COP1: variants seen among roughly 807,000 people sequenced by gnomAD.
COP1 encodes COP1 E3 ubiquitin ligase, also known as E3 ubiquitin-protein ligase COP1.
In COP1, 24 loss-of-function variants were observed where a neutral mutation model predicts 101.3. That is an observed-to-expected ratio of 0.24 (90% CI 0.17 to 0.33). The LOEUF is 0.33. Among genes scored for constraint, COP1 ranks in the 10% least tolerant of loss-of-function variants. COP1 has a pLI of 1.00. For missense variants in COP1, 663 were observed against 906.2 expected, an observed-to-expected ratio of 0.73 and a Z score of 3.45; for synonymous variants, 347 against 341.9, an observed-to-expected ratio of 1.01 and a Z score of -0.17.
chr1:175,984,774 G>T (rs968840859), intron 18 of COP1, among the ~76,000 whole-genome samples: 5 of 152,234 alleles, frequency 3.3e-5, no homozygotes, highest in African/African-American at 1.2e-4. Flanking sequence ...ACCTGGGTGT[G>T]AGACATGGAG....
intron 1 of COP1, among the ~76,000 whole-genome samples, chr1:176,203,808 A>G (rs530877955): frequency 3.0e-4 from 46 of 152,334 alleles, no homozygotes; most frequent in Middle Eastern, 3.4e-3. Flanking sequence ...ACTTTCAAAT[A>G]TAAGTCAGGA....
chr1:176,135,714 T>C (rs1253644837), intron 7 of COP1, among the ~76,000 whole-genome samples: 1 of 152,118 alleles, frequency 6.6e-6, no homozygotes, highest in Non-Finnish European at 1.5e-5. Flanking sequence ...CTTTTTTATG[T>C]ACTAACTTTG....
At chr1:176,097,850 C>G (rs1031427604) in intron 9 of COP1, among the ~76,000 whole-genome samples, 5 of 107,552 alleles carry the variant, frequency 4.6e-5, no homozygotes, top group Non-Finnish European at 6.9e-5. Context: ...GCCTGGGCAA[C>G]AGAGTGAAAC....
At chr1:176,108,150 A>G (rs943869242) in intron 9 of COP1, among the ~76,000 whole-genome samples, 2 of 152,122 alleles carry the variant, frequency 1.3e-5, no homozygotes, top group Non-Finnish European at 2.9e-5. Flanking sequence ...TAATTTTGCT[A>G]ATTGTACTAT....
Position 176,081,142 on chromosome 1 carries a change from C to T in COP1, c.1277+10G>A. ...TTACAAAAGAAAATAGTAATTTGAC[C>T]AATACTTACCTAGAGACTATACTGG... On this transcript the variant is annotated intron_variant, in intron 11 of 19. Transcript: ENST00000367669. 1.3e-6 allele frequency: 2 copies of T among 1,582,062 alleles called. No individual in the cohort carries two copies. Among genetic ancestry groups the T allele is most frequent in the Non-Finnish European group, 1.7e-6 (2 of 1,162,984 alleles).
At chr1:175,988,512 A>G in intron 16 of COP1, 100 bp from the exon 17 acceptor site, 1 of 1,155,438 alleles carries the variant, frequency 8.7e-7, no homozygotes, top group Non-Finnish European at 1.2e-6. Flanking sequence ...TTAAGAATGC[A>G]GGCTCTGGAG....
At chr1:176,160,272 T>C in intron 5 of COP1, 1 of 408,960 alleles carries the variant, frequency 2.4e-6, no homozygotes, top group Non-Finnish European at 4.8e-6. Context: ...TTTTTTTTTT[T>C]TTTTTTTTTT....
chr1:176,018,058 G>C (rs958228315), intron 15 of COP1, among the ~76,000 whole-genome samples: 1 of 152,192 alleles, frequency 6.6e-6, no homozygotes, highest in Non-Finnish European at 1.5e-5. Flanking sequence ...GGAGGAATTA[G>C]AAGATATCAC....
intron 15 of COP1, chr1:176,017,674 GCCA>G (rs964770766): frequency 2.0e-5 from 3 of 152,102 alleles, no homozygotes; most frequent in African/African-American, 4.8e-5. Context: ...ACAGGCATGC[GCCA>G]CCACACCTGG....
intron 11 of COP1, among the ~76,000 whole-genome samples, chr1:176,047,569 T>C (rs535038653): frequency 1.3e-5 from 2 of 152,340 alleles, no homozygotes; most frequent in Non-Finnish European, 2.9e-5. Context: ...TGAATGTATC[T>C]TCAATATCTA....
At chr1:176,150,305 T>C (rs756702599) in intron 5 of COP1, among the ~76,000 whole-genome samples, 1 of 152,160 alleles carries the variant, frequency 6.6e-6, no homozygotes, top group Non-Finnish European at 1.5e-5. Context: ...GAACTGATAA[T>C]CACAACAGGA....
Position 176,085,780 on chromosome 1 carries a change from G to T in COP1, c.1137C>A (p.Ile379=), listed in dbSNP as rs1680028529. 6.4e-7 allele frequency: 1 copy of T among 1,564,230 alleles called. No homozygotes were observed. Among genetic ancestry groups the T allele is most frequent in the South Asian group, 1.1e-5 (1 of 88,530 alleles). ...TGAGAAGGTCTAAATATATACCTGA[G>T]ATACGAGACATCCTTGTAGAAAAGT... ...QCYFSTRMSR[I]SDDSRTASQL... The change falls in exon 10 of 20, where the codon ATC becomes ATA. Residue 379 remains isoleucine, a synonymous_variant. Transcript: ENST00000367669.
In COP1 at chr1:175,990,389, A is replaced by T. The variant is rs141388534; in HGVS notation, c.1730-910T>A. On this transcript the variant is annotated intron_variant, in intron 15 of 19. Transcript: ENST00000367669. The stretch of plus-strand genomic sequence containing the variant: ...TCAAGCATTTTAAATTTATTGACTT[A>T]TTTTTAGTCTTAAATATGGTGTCCC... Among the ~76,000 whole-genome samples, 398 of 152,194 alleles carry T rather than the reference A, an allele frequency of 2.6e-3. 3 individuals are homozygous for T. Among genetic ancestry groups the T allele is most frequent in the African/African-American group, 9.1e-3 (380 of 41,550 alleles).
chr1:176,094,555 T>C (rs1681981633), intron 9 of COP1, among the ~76,000 whole-genome samples: 1 of 151,958 alleles, frequency 6.6e-6, no homozygotes, highest in Non-Finnish European at 1.5e-5. Context: ...TTATCAACTA[T>C]GTTAATTTTA....
intron 1 of COP1, among the ~76,000 whole-genome samples, chr1:176,188,357 A>G (rs1381902148): frequency 1.3e-5 from 2 of 152,184 alleles, no homozygotes; most frequent in African/African-American, 2.4e-5. Flanking sequence ...AGAAATGAAG[A>G]GGAGATCCTA....
At chr1:175,946,866 C>G (rs551164085) in intron 19 of COP1, among the ~76,000 whole-genome samples, 1 of 152,314 alleles carries the variant, frequency 6.6e-6, no homozygotes, top group African/African-American at 2.4e-5. Context: ...TGGGCTCTAT[C>G]TACTGAAAGC....
chr1:176,139,882 A>C (rs1173090627), intron 6 of COP1, among the ~76,000 whole-genome samples: 1 of 152,084 alleles, frequency 6.6e-6, no homozygotes, highest in African/African-American at 2.4e-5. Context: ...GGTCAATCAT[A>C]CCCCAAATTT....
chr1:175,986,966 A>C lies in COP1; in HGVS notation c.2110T>G (p.Cys704Gly), dbSNP rs1234848851. The change falls in exon 18 of 20, where the codon TGC (cysteine) becomes GGC (glycine). Residue 704 changes from cysteine to glycine, a missense_variant. Cys to Gly is a radical substitution (Grantham distance 159). Coordinates refer to ENST00000367669, the MANE Select transcript of COP1 (RefSeq NM_022457.7). Reference protein sequence around the residue: ...DDTNEFVSAVCWRALPDGESN... With the variant: ...DDTNEFVSAVGWRALPDGESN... ...ACCCCATCTGGTAGTGCCCTCCAGC[A>C]CACAGCACTAACAAATTCATTTGTA... is the stretch of plus-strand genomic sequence containing the variant. 1 of 1,607,228 alleles carries C rather than the reference A, an allele frequency of 6.2e-7. No homozygotes were observed. The highest frequency in any genetic ancestry group is 8.5e-7 in the Non-Finnish European group (1 of 1,177,868).
At chr1:176,048,722 T>A (rs968585615) in intron 11 of COP1, among the ~76,000 whole-genome samples, 1 of 152,210 alleles carries the variant, frequency 6.6e-6, no homozygotes, top group Non-Finnish European at 1.5e-5. Flanking sequence ...CTCATATACA[T>A]AGCTAATCAA....
Sources: allele counts gnomAD v4.1 joint callset (sites outside exome capture counted in the v4.1 genomes callset), GRCh38; gene constraint gnomAD v4.1.1; transcripts MANE v1.5; gene names NCBI Gene and HGNC (gene_info 2026-07-23, HGNC 2026-07-21).